The following GZMK variants were observed in gnomAD, a reference collection of about 807,000 sequenced individuals.
The protein encoded by GZMK is granzyme K.
In GZMK, 18 loss-of-function variants were observed where a neutral mutation model predicts 22.8. That is an observed-to-expected ratio of 0.79 (90% CI 0.54 to 1.17). The LOEUF (loss-of-function observed/expected upper bound fraction) is 1.17. Among genes scored for constraint, GZMK ranks in the 50% most tolerant of loss-of-function variants. The pLI is 0.00. For missense variants in GZMK, 342 were observed against 320.2 expected (o/e 1.07, Z -0.52); for synonymous variants, 136 against 115.0 (o/e 1.18, Z -1.17).
rs572931900 is a variant in GZMK at position 55,030,656 on chromosome 5, C to T, written c.363+72C>T. On this transcript the variant is annotated intron_variant, in intron 3 of 4. Transcript: ENST00000231009. ...CAGGATGGCTCAATTAGTTAAATCA[C>T]CTACAAAATGCATTTTGCTAGCACC... The T allele has an allele frequency of 1.1e-5, 13 of 1,189,154 alleles. 1 individual carries two copies. In the East Asian group the frequency reaches 3.0e-4, roughly 28 times the overall value. 73.7% of individuals were successfully genotyped at this position (1,189,154 alleles called of 1,614,324 possible). A position where few individuals can be genotyped will look rare whatever the true frequency, so the allele number is the denominator to read the frequency against.
chr5:55,031,355 A>G lies in GZMK; in HGVS notation c.364-9A>G, dbSNP rs760813589. 1.2e-6 allele frequency: 2 copies of G among 1,606,316 alleles called. No individual in the cohort carries two copies. Among genetic ancestry groups the G allele is most frequent in the Non-Finnish European group, 1.7e-6 (2 of 1,175,136 alleles). On this transcript the variant is annotated splice_polypyrimidine_tract_variant and intron_variant, in intron 3 of 4. Transcript: ENST00000231009. ...AAAGAAATAATTCCATCTTTTTTCA[A>G]TCTGTCAGCTTCAAACAGCCGCAAA... is the stretch of plus-strand genomic sequence containing the variant.
At chr5:55,032,498 A>C (rs956121004) in intron 4 of GZMK, 2 of 152,322 alleles carry the variant, frequency 1.3e-5, no homozygotes, top group African/African-American at 4.8e-5. Context: ...TTGGGAGGCC[A>C]AGGTGGATGG....
intron 4 of GZMK, 70 bp from the exon 5 acceptor site, chr5:55,033,680 CTTGAGCAATCAGCAG>C: frequency 1.1e-6 from 1 of 949,632 alleles, no homozygotes; most frequent in Non-Finnish European, 1.6e-6. Flanking sequence ...ATGATAATCC[CTTGAGCAATCAGCAG>C]TTGGTGGTTA....
In GZMK at chr5:55,031,642, C is replaced by G; in HGVS notation, c.633+9C>G. 1 of 1,608,738 alleles carries G rather than the reference C, an allele frequency of 6.2e-7. No homozygotes were observed. Among genetic ancestry groups the G allele is most frequent in the Admixed American group, 1.7e-5 (1 of 59,868 alleles). ...AGAAGGATTCCTGTAAGGTAAGAATCTCTCTTTCAAACAGGCATCTTGGAG... is the reference window on the plus strand; with the variant it reads ...AGAAGGATTCCTGTAAGGTAAGAATGTCTCTTTCAAACAGGCATCTTGGAG... On this transcript the variant is annotated intron_variant, in intron 4 of 4. Transcript: ENST00000231009.
At chr5:55,031,267 C>T (rs1421203529) in intron 3 of GZMK, 97 bp from the exon 4 acceptor site, 3 of 1,003,656 alleles carry the variant, frequency 3.0e-6, no homozygotes, top group South Asian at 3.1e-5. Flanking sequence ...AGAACAGGGA[C>T]GCCCGCCTAA....
At chr5:55,033,305 T>C (rs995679878) in intron 4 of GZMK, among the ~76,000 whole-genome samples, 1 of 152,270 alleles carries the variant, frequency 6.6e-6, no homozygotes, top group African/African-American at 2.4e-5. Flanking sequence ...CTACAATACA[T>C]TGCTCTTTTC....
At chr5:55,027,052 T>C (rs541216142) in intron 2 of GZMK, 36 of 152,290 alleles carry the variant, frequency 2.4e-4, no homozygotes, top group Admixed American at 1.8e-3. Context: ...TGAGCTTTAA[T>C]CCTGCCCGAA....
chr5:55,031,437 G>C lies in GZMK; in HGVS notation c.437G>C (p.Gly146Ala), dbSNP rs1046012948. Reference sequence around the variant, plus strand: ...AGATCCAAAACCTCTCTTAGATCTGGAACCAAATGCAAGGTTACTGGCTGG... The same window carrying C: ...AGATCCAAAACCTCTCTTAGATCTGCAACCAAATGCAAGGTTACTGGCTGG... ...HIRSKTSLRS[G>A]TKCKVTGWGA... The change falls in exon 4 of 5, where the codon GGA (glycine) becomes GCA (alanine). Residue 146 changes from glycine (G) to alanine (A), a missense_variant. Transcript: ENST00000231009. 1.5e-5 allele frequency: 24 copies of C among 1,613,484 alleles called. No individual in the cohort carries two copies. The highest frequency in any genetic ancestry group is 1.9e-5 in the Non-Finnish European group (23 of 1,179,520).
chr5:55,031,581 C>T lies in GZMK; in HGVS notation c.581C>T (p.Thr194Ile). ...TACTACAACGGCGACCCTTTTATCA[C>T]CAAAGACATGGTCTGTGCAGGAGAT... ...QSYYNGDPFITKDMVCAGDAK... is the reference protein window; with the variant it reads ...QSYYNGDPFIIKDMVCAGDAK... The change falls in exon 4 of 5, where the codon ACC becomes ATC. Residue 194 changes from threonine to isoleucine, a missense_variant. Coordinates refer to ENST00000231009, the MANE Select transcript of GZMK (RefSeq NM_002104.3). The T allele has an allele frequency of 6.2e-7, 1 of 1,613,844 alleles. No homozygotes were observed. The highest frequency in any genetic ancestry group is 8.5e-7 in the Non-Finnish European group (1 of 1,179,730).
rs1189646927 is a variant in GZMK at position 55,034,528 on chromosome 5, C to A, written c.*602C>A. The A allele has an allele frequency of 6.6e-6, 1 of 152,052 alleles. No homozygotes were observed. Among genetic ancestry groups the A allele is most frequent in the African/African-American group, 2.4e-5 (1 of 41,386 alleles). 9.4% of individuals were successfully genotyped at this position (152,052 alleles called of 1,614,324 possible). ...GAGTTTGTATTTTTTAAATATAAAT[C>A]ATAAATATAAATATCCTAATTCAAG... On this transcript the variant is annotated 3_prime_UTR_variant, in exon 5 of 5. Coordinates refer to ENST00000231009, the MANE Select transcript of GZMK (RefSeq NM_002104.3).
intron 2 of GZMK, 76 bp downstream of exon 2, chr5:55,024,883 T>A: frequency 1.1e-6 from 1 of 897,642 alleles, no homozygotes; most frequent in Non-Finnish European, 1.6e-6. Flanking sequence ...TTACCTCTCC[T>A]GAATGAGAAT....
chr5:55,029,150 G>A (rs573734993), intron 2 of GZMK, among the ~76,000 whole-genome samples: 15 of 152,064 alleles, frequency 9.9e-5, no homozygotes, highest in African/African-American at 1.9e-4. Flanking sequence ...CAGGAGAATC[G>A]CTTGATCCTG....
chr5:55,028,155 CCAGA>C (rs1280040314), intron 2 of GZMK: 1 of 152,114 alleles, frequency 6.6e-6, no homozygotes, highest in African/African-American at 2.4e-5. Context: ...CGAAAGAAAC[CCAGA>C]CATTTTTTCA....
intron 3 of GZMK, 67 bp from the exon 4 acceptor site, chr5:55,031,297 C>T (rs1224558674): frequency 9.5e-6 from 13 of 1,364,886 alleles, no homozygotes; most frequent in Non-Finnish European, 1.3e-5. Flanking sequence ...ACCACACATA[C>T]GACGCACAGG....
At chr5:55,026,282 G>T (rs548246403) in intron 2 of GZMK, among the ~76,000 whole-genome samples, 1 of 152,268 alleles carries the variant, frequency 6.6e-6, no homozygotes, top group East Asian at 1.9e-4. Context: ...AGTGTTATAG[G>T]AAATTAAATA....
intron 1 of GZMK, 100 bp from the exon 2 acceptor site, chr5:55,024,560 T>C: frequency 1.0e-6 from 1 of 961,280 alleles, no homozygotes; most frequent in Non-Finnish European, 1.6e-6. Flanking sequence ...TTATTGTTGT[T>C]TTTTAAGCTT....
intron 2 of GZMK, among the ~76,000 whole-genome samples, chr5:55,028,984 C>T (rs903896311): frequency 6.6e-6 from 1 of 152,174 alleles, no homozygotes; most frequent in Non-Finnish European, 1.5e-5. Context: ...CCTGTAATCC[C>T]AGCACTTTGG....
rs569689597 is a variant in GZMK at position 55,034,462 on chromosome 5, C to G, written c.*536C>G. 1 of 152,316 alleles carries G rather than the reference C, an allele frequency of 6.6e-6. No homozygotes were observed. The highest frequency in any genetic ancestry group is 1.9e-4 in the East Asian group (1 of 5,184). 9.4% of individuals were successfully genotyped at this position (152,316 alleles called of 1,614,324 possible). On this transcript the variant is annotated 3_prime_UTR_variant, in exon 5 of 5. Transcript: ENST00000231009. Reference sequence around the variant, plus strand: ...ATAGCAGCTCTCTATTTCCCCACCACCCCCATCCTCTGGCAACCCCATTCT... The same window carrying G: ...ATAGCAGCTCTCTATTTCCCCACCAGCCCCATCCTCTGGCAACCCCATTCT...
Position 55,034,031 on chromosome 5 carries a change from C to T in GZMK, c.*105C>T. 1 of 695,460 alleles carries T rather than the reference C, an allele frequency of 1.4e-6. No homozygotes were observed. 43.1% of individuals were successfully genotyped at this position (695,460 alleles called of 1,614,324 possible). On this transcript the variant is annotated 3_prime_UTR_variant, in exon 5 of 5. Coordinates refer to ENST00000231009, the MANE Select transcript of GZMK (RefSeq NM_002104.3). ...AGAGCACATATGGGGTCCATTTTTG[C>T]ACTTGTAAGTCATTTTATTAAGGAA...
Sources: gnomAD v4.1 joint callset for allele counts (sites outside exome capture counted in the v4.1 genomes callset) on GRCh38, gnomAD v4.1.1 for gene constraint, MANE v1.5 for transcripts, NCBI Gene and HGNC (gene_info 2026-07-23, HGNC 2026-07-21) for gene names.